Variants in CACNB2 observed in about 807,000 individuals in gnomAD.
CACNB2 encodes calcium voltage-gated channel auxiliary subunit beta 2, also known as voltage-dependent L-type calcium channel subunit beta-2.
A neutral mutation model predicts 73.3 loss-of-function variants in CACNB2; 42 were observed. The observed-to-expected ratio is 0.57, with a 90% CI of 0.45 to 0.74. CACNB2 has a LOEUF of 0.74. Ranked by LOEUF, CACNB2 falls within the 30% of genes least tolerant of loss-of-function variation. The pLI is 0.00. For synonymous variants in CACNB2, 348 were observed against 310.3 expected, an observed-to-expected ratio of 1.12 and a Z score of -1.28; for missense variants, 940 against 853.0, an observed-to-expected ratio of 1.10 and a Z score of -1.27.
At chr10:18,272,751 C>A (rs1454466806) in intron 2 of CACNB2, among the ~76,000 whole-genome samples, 1 of 152,198 alleles carries the variant, frequency 6.6e-6, no homozygotes, top group Non-Finnish European at 1.5e-5. Flanking sequence ...TGCCTTCGGC[C>A]GTTGATTGTG....
At chr10:18,368,363 C>T (rs2042440739) in intron 2 of CACNB2, among the ~76,000 whole-genome samples, 1 of 152,066 alleles carries the variant, frequency 6.6e-6, no homozygotes, top group African/African-American at 2.4e-5. Flanking sequence ...CCAGTGTTCC[C>T]AGGAACTGAA....
At chr10:18,420,637 A>G (rs1048257229) in intron 3 of CACNB2, among the ~76,000 whole-genome samples, 5 of 152,182 alleles carry the variant, frequency 3.3e-5, no homozygotes, top group African/African-American at 9.7e-5. Context: ...CAGTCCACCA[A>G]TTCAAATGCT....
At chr10:18,513,519 A>C (rs1328278258) in intron 6 of CACNB2, 1 of 388,420 alleles carries the variant, frequency 2.6e-6, no homozygotes, top group Non-Finnish European at 5.2e-6. Context: ...GTGAACCACC[A>C]CCGCACTGTA....
At position 18,140,797 on chromosome 10, in the gene CACNB2, A is replaced by G; in HGVS notation, c.61A>G (p.Ile21Val). ...PTAAAAVAQE[I>V]QMELLENVAP... ...AGCGGCGGCGGCGGTGGCGCAGGAG[A>G]TCCAGATGGAACTGCTAGAGAACGT... is the stretch of plus-strand genomic sequence containing the variant. Residue 21 changes from isoleucine to valine, a missense_variant, in exon 1 of 14, where the codon ATC becomes GTC. Physicochemically the swap from Ile to Val is conservative, Grantham distance 29. Coordinates refer to ENST00000324631, the MANE Select transcript of CACNB2 (RefSeq NM_201596.3). 6.2e-7 allele frequency: 1 copy of G among 1,603,266 alleles called. No homozygotes were observed. The highest frequency in any genetic ancestry group is 8.5e-7 in the Non-Finnish European group (1 of 1,176,504).
At chr10:18,497,598 T>C (rs1002372586) in intron 3 of CACNB2, among the ~76,000 whole-genome samples, 1 of 152,100 alleles carries the variant, frequency 6.6e-6, no homozygotes, top group African/African-American at 2.4e-5. Context: ...TTTTTGTTTT[T>C]GATTTTTAGT....
intron 2 of CACNB2, among the ~76,000 whole-genome samples, chr10:18,248,267 C>G (rs2036945542): frequency 6.6e-6 from 1 of 152,164 alleles, no homozygotes; most frequent in African/African-American, 2.4e-5. Context: ...TTGTGTCAAA[C>G]ATAATGAGTT....
Position 18,356,850 on chromosome 10 carries a change from G to A in CACNB2, c.214-45074G>A, listed in dbSNP as rs113128938. Among the ~76,000 whole-genome samples, 1,343 of 151,224 alleles carry A rather than the reference G, an allele frequency of 8.9e-3. 13 individuals are homozygous for A. The highest frequency in any genetic ancestry group is 0.028 in the South Asian group (135 of 4,790). On this transcript the variant is annotated intron_variant, in intron 2 of 13. Transcript: ENST00000324631. ...TCCCCATGTTGCCCAGGCTGGTCTCGAACTCCTGGGCTCAAACGATCCTCC... is the reference window on the plus strand; with the variant it reads ...TCCCCATGTTGCCCAGGCTGGTCTCAAACTCCTGGGCTCAAACGATCCTCC...
chr10:18,526,126 T>G (rs1210860931), intron 9 of CACNB2, among the ~76,000 whole-genome samples: 1 of 152,240 alleles, frequency 6.6e-6, no homozygotes, highest in East Asian at 1.9e-4. Context: ...TTTGTGTTTC[T>G]GTGTATGGCA....
chr10:18,150,258 A>G (rs985371858), intron 1 of CACNB2, among the ~76,000 whole-genome samples: 20 of 152,186 alleles, frequency 1.3e-4, no homozygotes, highest in East Asian at 1.9e-4. Context: ...CCTGTTTTAA[A>G]TGCTTATTTT....
chr10:18,296,010 T>TGA (rs2039267918), intron 2 of CACNB2, among the ~76,000 whole-genome samples: 1 of 148,440 alleles, frequency 6.7e-6, no homozygotes, highest in Admixed American at 6.7e-5. Flanking sequence ...TTTTTTTTTT[T>TGA]TTTTTTTTTT....
At chr10:18,516,706 C>T (rs1204826810) in intron 7 of CACNB2, among the ~76,000 whole-genome samples, 1 of 152,112 alleles carries the variant, frequency 6.6e-6, no homozygotes. Context: ...AATTCAAAAA[C>T]AAAACAACAG....
intron 2 of CACNB2, among the ~76,000 whole-genome samples, chr10:18,283,756 T>C (rs186652713): frequency 8.0e-4 from 121 of 152,128 alleles, no homozygotes; most frequent in African/African-American, 2.5e-3. Flanking sequence ...CAACATGGCA[T>C]ATGTATACAT....
At chr10:18,486,325 T>A (rs769314097) in intron 3 of CACNB2, among the ~76,000 whole-genome samples, 12 of 152,348 alleles carry the variant, frequency 7.9e-5, no homozygotes, top group African/African-American at 2.6e-4. Flanking sequence ...AAGCTAGAAC[T>A]ATAGTGCCAT....
intron 2 of CACNB2, among the ~76,000 whole-genome samples, chr10:18,302,621 A>AGG (rs1564418875): frequency 6.6e-6 from 1 of 152,216 alleles, no homozygotes; most frequent in Admixed American, 6.5e-5. Context: ...TTATATTCAT[A>AGG]TGTTCTCAAC....
chr10:18,490,274 A>C (rs1589522209), intron 3 of CACNB2, among the ~76,000 whole-genome samples: 1 of 152,248 alleles, frequency 6.6e-6, no homozygotes, highest in East Asian at 1.9e-4. Flanking sequence ...TTTAGTCCAC[A>C]AACCAATATG....
At chr10:18,149,085 G>A (rs987971414) in intron 1 of CACNB2, among the ~76,000 whole-genome samples, 4 of 151,538 alleles carry the variant, frequency 2.6e-5, no homozygotes, top group Admixed American at 2.0e-4. Context: ...GAGGATAAAC[G>A]GTGAATTTAA....
chr10:18,355,032 G>T (rs1166195353), intron 2 of CACNB2, among the ~76,000 whole-genome samples: 7 of 152,138 alleles, frequency 4.6e-5, no homozygotes, highest in African/African-American at 1.4e-4. Flanking sequence ...ATTACCTTGA[G>T]GCTATATGTA....
At chr10:18,220,233 A>AGGGTGG (rs1564353966) in intron 2 of CACNB2, among the ~76,000 whole-genome samples, 23 of 27,092 alleles carry the variant, frequency 8.5e-4, no homozygotes, top group East Asian at 1.3e-3. Context: ...ATATATATAT[A>AGGGTGG]GAGAGAGAGA....
rs922740499 is a variant in CACNB2, at chr10:18,519,090, A to C, written c.944+122A>C. On this transcript the variant is annotated intron_variant, in intron 9 of 13. Transcript: ENST00000324631. The stretch of plus-strand genomic sequence containing the variant: ...TGATGTCTATATGATGACAGGAAAC[A>C]AGTTTCACTCAATTTAATCTGATTC... The C allele has an allele frequency of 1.6e-5, 13 of 816,138 alleles. No individual in the cohort carries two copies. In the South Asian group the frequency reaches 1.8e-4, roughly 11 times the overall value. 50.6% of individuals were successfully genotyped at this position (816,138 alleles called of 1,614,324 possible). A position where few individuals can be genotyped will look rare whatever the true frequency, so the allele number is the denominator to read the frequency against.
Sources: allele counts gnomAD v4.1 joint callset (sites outside exome capture counted in the v4.1 genomes callset), GRCh38; gene constraint gnomAD v4.1.1; transcripts MANE v1.5; gene names NCBI Gene and HGNC (gene_info 2026-07-23, HGNC 2026-07-21).